Variants in GRID2 observed in about 807,000 individuals in gnomAD.
GRID2 encodes the protein glutamate ionotropic receptor delta type subunit 2, also known as glutamate receptor ionotropic, delta-2.
Under a neutral mutation model 114.8 loss-of-function variants are expected in GRID2, and 33 were observed. The observed-to-expected ratio is 0.29, with a 90% CI of 0.22 to 0.38. GRID2 has a LOEUF of 0.38. Ranked by LOEUF, GRID2 falls within the 10% of genes least tolerant of loss-of-function variation. GRID2 has a pLI of 1.00. For synonymous variants in GRID2, 505 were observed against 449.9 expected (o/e 1.12, Z -1.55); for missense variants, 1,184 against 1,257.7 (o/e 0.94, Z 0.89).
chr4:93,635,318 G>A (rs977302095), intron 14 of GRID2, among the ~76,000 whole-genome samples: 3 of 150,722 alleles, frequency 2.0e-5, no homozygotes, highest in African/African-American at 7.3e-5. Context: ...AACATTTGAA[G>A]AGTCTCAAAA....
In GRID2 at chr4:92,661,295, C is replaced by G. The variant is rs1732502813; in HGVS notation, c.244+71009C>G. Among the ~76,000 whole-genome samples, 3 of 150,800 alleles carry G rather than the reference C, an allele frequency of 2.0e-5. No homozygotes were observed. In the Admixed American group the frequency reaches 2.0e-4, roughly 10 times the overall value. On this transcript the variant is annotated intron_variant, in intron 2 of 15. Transcript: ENST00000282020. ...ATTATGACAAATAACATTAAAAAGT[C>G]ACCCTGTTTAAAAGTATCAAAAAAT...
Position 93,772,396 on chromosome 4 carries a change from T to C in GRID2, c.2922T>C (p.Phe974=), listed in dbSNP as rs1163605588. The change falls in exon 16 of 16, where the codon TTT becomes TTC. Residue 974 remains phenylalanine, a synonymous_variant. Coordinates refer to ENST00000282020, the MANE Select transcript of GRID2 (RefSeq NM_001510.4). ...GGCACAGGGCACCTAATGGGGGCTT[T>C]TTCAGGAGTCCTATAAAAACAATGT... is the stretch of plus-strand genomic sequence containing the variant. ...PFRHRAPNGG[F]FRSPIKTMSS... is the part of the protein sequence containing the mutation. 1.2e-6 allele frequency: 2 copies of C among 1,613,974 alleles called. No individual in the cohort carries two copies. The highest frequency in any genetic ancestry group is 3.3e-5 in the Admixed American group (2 of 59,988).
intron 4 of GRID2, among the ~76,000 whole-genome samples, chr4:93,170,455 A>T (rs1445777973): frequency 6.6e-6 from 1 of 151,890 alleles, no homozygotes; most frequent in Non-Finnish European, 1.5e-5. Flanking sequence ...TGGTCATCTG[A>T]TGTTTCTCTG....
At chr4:92,565,822 T>C (rs975045568) in intron 1 of GRID2, among the ~76,000 whole-genome samples, 4 of 152,082 alleles carry the variant, frequency 2.6e-5, no homozygotes, top group African/African-American at 9.6e-5. Context: ...AGAATGCTGA[T>C]AATTGAGTGT....
intron 8 of GRID2, among the ~76,000 whole-genome samples, chr4:93,286,140 A>T (rs1288855138): frequency 1.3e-5 from 2 of 152,126 alleles, no homozygotes; most frequent in African/African-American, 2.4e-5. Flanking sequence ...CTGATGTAAA[A>T]ATCAAACATA....
At chr4:93,258,692 G>C (rs993810735) in intron 8 of GRID2, among the ~76,000 whole-genome samples, 1 of 151,768 alleles carries the variant, frequency 6.6e-6, no homozygotes, top group Non-Finnish European at 1.5e-5. Context: ...TTTGTTATTA[G>C]TTATGCAGTG....
At chr4:92,684,247 T>G (rs1453601448) in intron 2 of GRID2, among the ~76,000 whole-genome samples, 1 of 152,100 alleles carries the variant, frequency 6.6e-6, no homozygotes, top group Non-Finnish European at 1.5e-5. Context: ...TTTGAAGTGC[T>G]TAAAGTGCAG....
chr4:92,708,065 A>C (rs1222127238), intron 2 of GRID2, among the ~76,000 whole-genome samples: 1 of 152,172 alleles, frequency 6.6e-6, no homozygotes, highest in African/African-American at 2.4e-5. Flanking sequence ...GAAGTAAAAC[A>C]GAGGAAAGTT....
intron 2 of GRID2, among the ~76,000 whole-genome samples, chr4:92,689,050 AT>A (rs1734056931): frequency 6.6e-6 from 1 of 152,220 alleles, no homozygotes; most frequent in Non-Finnish European, 1.5e-5. Context: ...CAAGACCAGT[AT>A]CAATGAGCAC....
At chr4:92,640,514 A>C (rs1303595744) in intron 2 of GRID2, among the ~76,000 whole-genome samples, 2 of 151,910 alleles carry the variant, frequency 1.3e-5, no homozygotes, top group African/African-American at 2.4e-5. Flanking sequence ...GAAACAATTA[A>C]CAGCTAAAGC....
intron 2 of GRID2, among the ~76,000 whole-genome samples, chr4:92,616,367 T>C (rs1730004021): frequency 1.3e-5 from 2 of 151,718 alleles, no homozygotes; most frequent in East Asian, 3.9e-4. Context: ...GGTTTCATTG[T>C]AACTGATGAG....
At chr4:92,636,292 T>TAG (rs36060219) in intron 2 of GRID2, among the ~76,000 whole-genome samples, 7,736 of 152,038 alleles carry the variant, frequency 0.051, 255 homozygotes, top group Non-Finnish European at 0.077. Context: ...TGACATAGTA[T>TAG]AGAAGCCTTT....
intron 1 of GRID2, among the ~76,000 whole-genome samples, chr4:92,305,358 G>C (rs1560557374): frequency 6.6e-6 from 1 of 152,164 alleles, no homozygotes; most frequent in Non-Finnish European, 1.5e-5. Context: ...GGCAGGAGGG[G>C]CTGGCGGCAG....
At chr4:92,785,836 TA>T (rs564646807) in intron 2 of GRID2, among the ~76,000 whole-genome samples, 13 of 151,836 alleles carry the variant, frequency 8.6e-5, no homozygotes, top group South Asian at 2.1e-4. Flanking sequence ...ATTTTAGCTT[TA>T]AAAAAAACTT....
chr4:92,770,296 A>G (rs1578168728), intron 2 of GRID2, among the ~76,000 whole-genome samples: 1 of 152,144 alleles, frequency 6.6e-6, no homozygotes. Context: ...CTTATTGTTC[A>G]TATCACTATC....
chr4:93,318,258 C>A (rs1290353092), intron 8 of GRID2, among the ~76,000 whole-genome samples: 4 of 150,828 alleles, frequency 2.7e-5, no homozygotes, highest in African/African-American at 9.8e-5. Context: ...TACATGATGA[C>A]CTGGAAAAAT....
chr4:92,920,705 G>A (rs1290930654), intron 2 of GRID2, among the ~76,000 whole-genome samples: 2 of 152,162 alleles, frequency 1.3e-5, no homozygotes, highest in East Asian at 1.9e-4. Flanking sequence ...TAGAGTTTCT[G>A]CGGAGAGATC....
At chr4:93,010,210 C>T (rs1352233926) in intron 2 of GRID2, among the ~76,000 whole-genome samples, 5 of 151,914 alleles carry the variant, frequency 3.3e-5, no homozygotes, top group East Asian at 1.9e-4. Flanking sequence ...ACTAAAGAGT[C>T]GATGATAGAT....
At chr4:92,704,391 T>C (rs1734838795) in intron 2 of GRID2, among the ~76,000 whole-genome samples, 2 of 152,220 alleles carry the variant, frequency 1.3e-5, no homozygotes, top group African/African-American at 2.4e-5. Context: ...ATGGGTTGTT[T>C]TGAGTTATTA....
Sources: gnomAD v4.1 joint callset for allele counts (sites outside exome capture counted in the v4.1 genomes callset) on GRCh38, gnomAD v4.1.1 for gene constraint, MANE v1.5 for transcripts, NCBI Gene and HGNC (gene_info 2026-07-23, HGNC 2026-07-21) for gene names.